The following UNC13C variants were observed in gnomAD, a reference collection of about 807,000 sequenced individuals.
UNC13C encodes protein unc-13 homolog C.
Under a neutral mutation model 245.4 loss-of-function variants are expected in UNC13C, and 174 were observed. That is an observed-to-expected ratio of 0.71 (90% CI 0.63 to 0.80). The LOEUF (loss-of-function observed/expected upper bound fraction) is 0.80. Among genes scored for constraint, UNC13C ranks in the 30% least tolerant of loss-of-function variants. UNC13C has a pLI of 0.00. For missense variants in UNC13C, 2,829 were observed against 2,602.9 expected (o/e 1.09, Z -1.89); for synonymous variants, 992 against 895.1 (o/e 1.11, Z -1.93).
the UNC13C span, among the ~76,000 whole-genome samples, chr15:53,946,816 G>A: frequency 6.6e-6 from 1 of 150,694 alleles, no homozygotes; most frequent in African/African-American, 2.4e-5. Flanking sequence ...TGCAGATGTT[G>A]AACCAACCTT....
At chr15:54,137,991 C>A (rs1376528505) in intron 2 of UNC13C, among the ~76,000 whole-genome samples, 4 of 151,856 alleles carry the variant, frequency 2.6e-5, no homozygotes. Flanking sequence ...TTTGCTACAT[C>A]CTGTAAGTTT....
intron 20 of UNC13C, 96 bp downstream of exon 20, chr15:54,494,830 A>G: frequency 7.2e-7 from 1 of 1,397,278 alleles, no homozygotes; most frequent in Non-Finnish European, 9.8e-7. Flanking sequence ...TCTTCACATA[A>G]TCTTCATTGG....
chr15:54,120,373 A>C (rs1024505321), intron 2 of UNC13C, among the ~76,000 whole-genome samples: 1 of 152,124 alleles, frequency 6.6e-6, no homozygotes, highest in African/African-American at 2.4e-5. Context: ...ATGATAGCAC[A>C]TTTATTTGCA....
chr15:54,175,960 T>C (rs2033599383), intron 4 of UNC13C, among the ~76,000 whole-genome samples: 1 of 152,206 alleles, frequency 6.6e-6, no homozygotes, highest in Admixed American at 6.5e-5. Context: ...TGAGAAGCAC[T>C]AGTATAAAAC....
chr15:54,150,377 C>T (rs72746012), intron 4 of UNC13C, among the ~76,000 whole-genome samples: 5,475 of 152,312 alleles, frequency 0.036, 166 homozygotes, highest in Non-Finnish European at 0.054. Flanking sequence ...TCAGGGAGTA[C>T]GCCTAATCAC....
At chr15:54,577,256 G>A (rs1850996) in intron 30 of UNC13C, among the ~76,000 whole-genome samples, 3,419 of 152,210 alleles carry the variant, frequency 0.022, 55 homozygotes, top group Non-Finnish European at 0.036. Flanking sequence ...TCTGTTACAT[G>A]AAACTCAAAA....
chr15:53,990,510 T>C (rs1328554289), intron 1 of UNC13C, among the ~76,000 whole-genome samples: 1 of 152,078 alleles, frequency 6.6e-6, no homozygotes, highest in Non-Finnish European at 1.5e-5. Context: ...AAGTGCTGTA[T>C]AATAAAATTT....
chr15:53,981,037 G>A (rs1369183510), intron 1 of UNC13C, among the ~76,000 whole-genome samples: 1 of 152,200 alleles, frequency 6.6e-6, no homozygotes, highest in Admixed American at 6.5e-5. Context: ...AGGAAGGTCA[G>A]TGCAGAAGAG....
the UNC13C span, among the ~76,000 whole-genome samples, chr15:53,866,935 T>C: frequency 2.6e-5 from 4 of 152,146 alleles, no homozygotes; most frequent in Non-Finnish European, 5.9e-5. Flanking sequence ...AATGTAAAGA[T>C]GGGTCAACAT....
At chr15:54,350,958 G>T (rs1247781859) in intron 17 of UNC13C, among the ~76,000 whole-genome samples, 1 of 152,096 alleles carries the variant, frequency 6.6e-6, no homozygotes, top group East Asian at 1.9e-4. Flanking sequence ...TTTCACTGAA[G>T]ACTATAGTTT....
chr15:53,857,161 A>C, the UNC13C span, among the ~76,000 whole-genome samples: 1 of 151,988 alleles, frequency 6.6e-6, no homozygotes, highest in Non-Finnish European at 1.5e-5. Context: ...TGTGCCCATG[A>C]ATCTTTTTCC....
intron 18 of UNC13C, among the ~76,000 whole-genome samples, chr15:54,398,636 G>C (rs2040119659): frequency 6.6e-6 from 1 of 151,146 alleles, no homozygotes; most frequent in South Asian, 2.1e-4. Context: ...TTAGATATAG[G>C]GCTATTTAGT....
intron 2 of UNC13C, among the ~76,000 whole-genome samples, chr15:54,080,653 G>A (rs1257333323): frequency 6.6e-6 from 1 of 151,954 alleles, no homozygotes; most frequent in African/African-American, 2.4e-5. Flanking sequence ...TTTTTGTGGT[G>A]TCGGGTGTGA....
In UNC13C at chr15:54,400,848, C is replaced by A. The variant is rs989796990; in HGVS notation, c.4847+7667C>A. ...CATGTGCCATGTTGGTGTGCTGCAC[C>A]CATTAACTCATCATTTACATTCGGT... On this transcript the variant is annotated intron_variant, in intron 18 of 32. Coordinates refer to ENST00000260323, the MANE Select transcript of UNC13C (RefSeq NM_001080534.3). Among the ~76,000 whole-genome samples the A allele has an allele frequency of 5.3e-5, 8 of 152,130 alleles. No individual in the cohort carries two copies. In the East Asian group the frequency reaches 1.5e-3, roughly 29 times the overall value.
chr15:54,482,836 T>G (rs1367259496), intron 19 of UNC13C, among the ~76,000 whole-genome samples: 1 of 152,252 alleles, frequency 6.6e-6, no homozygotes, highest in Non-Finnish European at 1.5e-5. Flanking sequence ...CATTAAATTG[T>G]CATTTCTTTA....
At chr15:54,029,817 C>T (rs775355007) in intron 2 of UNC13C, among the ~76,000 whole-genome samples, 7 of 152,150 alleles carry the variant, frequency 4.6e-5, no homozygotes, top group Non-Finnish European at 8.8e-5. Flanking sequence ...ATTTCAGCTG[C>T]AGCTCCGGTG....
the UNC13C span, among the ~76,000 whole-genome samples, chr15:53,884,102 G>A: frequency 2.3e-5 from 1 of 43,830 alleles, no homozygotes; most frequent in African/African-American, 9.7e-5. Flanking sequence ...CATCATTGTT[G>A]TTACGATGGT....
In UNC13C at chr15:54,463,961, G is replaced by A. The variant is rs538447426; in HGVS notation, c.4934-30647G>A. Among the ~76,000 whole-genome samples, 5 of 152,228 alleles carry A rather than the reference G, an allele frequency of 3.3e-5. No individual in the cohort carries two copies. In the East Asian group the frequency reaches 9.7e-4, roughly 29 times the overall value. Reference sequence around the variant, plus strand: ...AGACTTATAGCCAGGGCACTAAAAAGGTCATCTACATAGTTATTAAAATCG... The same window carrying A: ...AGACTTATAGCCAGGGCACTAAAAAAGTCATCTACATAGTTATTAAAATCG... On this transcript the variant is annotated intron_variant, in intron 19 of 32. Coordinates refer to ENST00000260323, the MANE Select transcript of UNC13C (RefSeq NM_001080534.3).
chr15:53,966,926 C>T, the UNC13C span, among the ~76,000 whole-genome samples: 1 of 152,076 alleles, frequency 6.6e-6, no homozygotes, highest in Non-Finnish European at 1.5e-5. Context: ...TTTTTACATA[C>T]CTTTATTTAA....
Sources: gnomAD v4.1 joint callset for allele counts (sites outside exome capture counted in the v4.1 genomes callset) on GRCh38, gnomAD v4.1.1 for gene constraint, MANE v1.5 for transcripts, NCBI Gene and HGNC (gene_info 2026-07-23, HGNC 2026-07-21) for gene names.